Variants in COG5 observed in about 807,000 individuals in gnomAD.
COG5 encodes component of oligomeric golgi complex 5.
In COG5, 86 loss-of-function variants were observed where a neutral mutation model predicts 110.4. The observed-to-expected ratio is 0.78, with a 90% CI of 0.65 to 0.93. The LOEUF is 0.93. Among genes scored for constraint, COG5 ranks in the 40% least tolerant of loss-of-function variants. The pLI is 0.00. For synonymous variants in COG5, 360 were observed against 334.6 expected (o/e 1.08, Z -0.83); for missense variants, 1,077 against 987.0 (o/e 1.09, Z -1.22).
intron 5 of COG5, among the ~76,000 whole-genome samples, chr7:107,534,722 A>C (rs1801456968): frequency 6.6e-6 from 1 of 151,518 alleles, no homozygotes; most frequent in Non-Finnish European, 1.5e-5. Context: ...TAACAGTGGG[A>C]GACATTAACA....
At chr7:107,544,383 G>A (rs986763222) in intron 5 of COG5, among the ~76,000 whole-genome samples, 1 of 152,228 alleles carries the variant, frequency 6.6e-6, no homozygotes, top group Non-Finnish European at 1.5e-5. Flanking sequence ...ACCAGCTCTT[G>A]TGGACTAGGG....
chr7:107,387,704 G>A (rs970565163), intron 7 of COG5, among the ~76,000 whole-genome samples: 4 of 152,180 alleles, frequency 2.6e-5, no homozygotes, highest in African/African-American at 9.7e-5. Context: ...GCAGCAGTCT[G>A]GTGGAGACCA....
chr7:107,400,033 C>T (rs1484896026), intron 7 of COG5, among the ~76,000 whole-genome samples: 1 of 148,328 alleles, frequency 6.7e-6, no homozygotes, highest in Non-Finnish European at 1.5e-5. Flanking sequence ...ATAGTCTTTG[C>T]AAAAATCTAA....
intron 6 of COG5, among the ~76,000 whole-genome samples, chr7:107,509,888 TC>T (rs1799366013): frequency 6.6e-6 from 1 of 151,758 alleles, no homozygotes; most frequent in South Asian, 2.1e-4. Context: ...CTAAAAGAGC[TC>T]CTGAAAGAAG....
chr7:107,429,640 T>C (rs1284743619), intron 6 of COG5, among the ~76,000 whole-genome samples: 1 of 152,136 alleles, frequency 6.6e-6, no homozygotes, highest in African/African-American at 2.4e-5. Context: ...CCAAATCTTA[T>C]CTTGAACTGT....
intron 12 of COG5, among the ~76,000 whole-genome samples, chr7:107,295,199 A>C (rs1806644139): frequency 6.9e-6 from 1 of 144,972 alleles, no homozygotes; most frequent in South Asian, 2.2e-4. Flanking sequence ...AGCCTCCCAA[A>C]GTGCTTGGAT....
intron 19 of COG5, among the ~76,000 whole-genome samples, chr7:107,227,841 T>G (rs1342013789): frequency 6.6e-6 from 1 of 152,186 alleles, no homozygotes; most frequent in Non-Finnish European, 1.5e-5. Flanking sequence ...TCCAAGTAGC[T>G]GGGACTACAG....
rs936933953 is a variant in COG5, at chr7:107,391,890, G to C, written c.670-19130C>G. Among the ~76,000 whole-genome samples the C allele has an allele frequency of 5.9e-5, 9 of 152,252 alleles. No homozygotes were observed. In the East Asian group the frequency reaches 1.4e-3, roughly 23 times the overall value. The stretch of plus-strand genomic sequence containing the variant: ...GCAGATCACAAGGTCAGGAGTTCGA[G>C]ACCACCCTGGCCAACATGGTGAAAC... On this transcript the variant is annotated intron_variant, in intron 7 of 21. Transcript: ENST00000297135.
chr7:107,418,134 G>T (rs1483644851), intron 6 of COG5, among the ~76,000 whole-genome samples: 1 of 151,538 alleles, frequency 6.6e-6, no homozygotes, highest in Admixed American at 6.6e-5. Flanking sequence ...TTATCTAGAA[G>T]ACTGATGAAC....
At chr7:107,217,664 G>A (rs1799620332) in intron 19 of COG5, among the ~76,000 whole-genome samples, 3 of 152,064 alleles carry the variant, frequency 2.0e-5, no homozygotes, top group South Asian at 2.1e-4. Flanking sequence ...TATTAGATGC[G>A]GAAAAAGCAT....
At chr7:107,444,936 C>T (rs1325141639) in intron 6 of COG5, among the ~76,000 whole-genome samples, 3 of 152,092 alleles carry the variant, frequency 2.0e-5, no homozygotes, top group African/African-American at 4.8e-5. Flanking sequence ...GCCTGTAATC[C>T]TAGCACTTTG....
chr7:107,448,239 T>C (rs552923841), intron 6 of COG5, among the ~76,000 whole-genome samples: 1 of 152,304 alleles, frequency 6.6e-6, no homozygotes, highest in South Asian at 2.1e-4. Context: ...AATTACTTCT[T>C]CATTGAAAGA....
chr7:107,508,248 G>A lies in COG5; in HGVS notation c.538+18989C>T, dbSNP rs113935452. On this transcript the variant is annotated intron_variant, in intron 6 of 21. Coordinates refer to ENST00000297135, the MANE Select transcript of COG5 (RefSeq NM_006348.5). ...GGGGATTATATCCCGCACCTGGCTCGGAGGGTCCTATGCCCACAGAGTCTC... is the reference window on the plus strand; with the variant it reads ...GGGGATTATATCCCGCACCTGGCTCAGAGGGTCCTATGCCCACAGAGTCTC... 2.3e-4 allele frequency among the ~76,000 whole-genome samples: 35 copies of A among 152,310 alleles called. 3 individuals carry two copies. In the Middle Eastern group the frequency reaches 0.01, roughly 44 times the overall value.
chr7:107,563,855 T>A lies in COG5; in HGVS notation c.42A>T (p.Gly14=), dbSNP rs1490702712. Residue 14 remains glycine (G), a synonymous_variant, in exon 1 of 22, where the codon GGA becomes GGT. Coordinates refer to ENST00000297135, the MANE Select transcript of COG5 (RefSeq NM_006348.5). ...CTGCAGCCGCTCCAGAGCCTCGAGC[T>A]CCGAGGCCAGCTACAGCGACGCTGC... The part of the protein sequence containing the change: ...GGGSVAVAGL[G]ARGSGAAAAT... The A allele has an allele frequency of 2.5e-6, 4 of 1,613,452 alleles. No homozygotes were observed. The African/African-American group carries it at 5.3e-5, about 22-fold the overall frequency.
chr7:107,232,967 G>A (rs1261646455), intron 18 of COG5, among the ~76,000 whole-genome samples: 1 of 152,152 alleles, frequency 6.6e-6, no homozygotes, highest in Non-Finnish European at 1.5e-5. Flanking sequence ...GGGTACTCCT[G>A]CCCTGACATT....
rs547431027 is a variant in COG5 at position 107,405,964 on chromosome 7, T to C, written c.669+6538A>G. Among the ~76,000 whole-genome samples the C allele has an allele frequency of 1.6e-4, 25 of 152,296 alleles. No individual in the cohort carries two copies. The East Asian group carries it at 4.8e-3, about 29-fold the overall frequency. On this transcript the variant is annotated intron_variant, in intron 7 of 21. Coordinates refer to ENST00000297135, the MANE Select transcript of COG5 (RefSeq NM_006348.5). ...CTGCTGGCACCTCCAGCCTTCAGAC[T>C]TCCCCAGCCTCCAGAACTGTGAAAA...
At chr7:107,486,391 C>T (rs1383980532) in intron 6 of COG5, among the ~76,000 whole-genome samples, 1 of 151,662 alleles carries the variant, frequency 6.6e-6, no homozygotes, top group African/African-American at 2.4e-5. Flanking sequence ...GATACATCAC[C>T]GAGACTTAAA....
At chr7:107,522,234 C>T (rs374342849) in intron 6 of COG5, among the ~76,000 whole-genome samples, 4 of 152,200 alleles carry the variant, frequency 2.6e-5, no homozygotes, top group East Asian at 3.9e-4. Context: ...TTTGGGAGGC[C>T]GAGGCGGGCA....
chr7:107,431,837 G>T (rs1794046847), intron 6 of COG5, among the ~76,000 whole-genome samples: 1 of 151,946 alleles, frequency 6.6e-6, no homozygotes, highest in African/African-American at 2.4e-5. Context: ...TTTATTTTTT[G>T]TAGAGACAAT....
Sources: allele counts gnomAD v4.1 joint callset (sites outside exome capture counted in the v4.1 genomes callset), GRCh38; gene constraint gnomAD v4.1.1; transcripts MANE v1.5; gene names NCBI Gene and HGNC (gene_info 2026-07-23, HGNC 2026-07-21).